The following FBN1 variants were observed in gnomAD, a reference collection of about 807,000 sequenced individuals.
The protein encoded by FBN1 is fibrillin-1.
In FBN1, 29 loss-of-function variants were observed where a neutral mutation model predicts 365.1. The ratio of observed to expected loss-of-function variants is 0.08; its 90% confidence interval spans 0.06 to 0.11. The LOEUF (loss-of-function observed/expected upper bound fraction) is 0.11, where lower values mean the gene tolerates loss of function less well. Ranked by LOEUF, FBN1 falls within the 10% of genes least tolerant of loss-of-function variation. The pLI, the probability that FBN1 is intolerant of heterozygous loss-of-function variation, is 1.00. For missense variants in FBN1, 2,476 were observed against 3,703.2 expected (o/e 0.67, Z 8.60); for synonymous variants, 1,210 against 1,270.5 (o/e 0.95, Z 1.01).
At chr15:48,636,020 C>A (rs1316716382) in intron 2 of FBN1, among the ~76,000 whole-genome samples, 1 of 152,192 alleles carries the variant, frequency 6.6e-6, no homozygotes, top group South Asian at 2.1e-4. Flanking sequence ...GATCTATTGC[C>A]TCACAGTGGT....
chr15:48,616,587 G>A (rs568139796), intron 2 of FBN1, among the ~76,000 whole-genome samples: 2 of 152,146 alleles, frequency 1.3e-5, no homozygotes, highest in Non-Finnish European at 2.9e-5. Flanking sequence ...AAAAGATTTA[G>A]TTATAAGGTT....
intron 12 of FBN1, among the ~76,000 whole-genome samples, chr15:48,513,944 T>G (rs1229633330): frequency 6.6e-6 from 1 of 152,330 alleles, no homozygotes; most frequent in South Asian, 2.1e-4. Flanking sequence ...TTTTCTTCCT[T>G]GAGTCTGATC....
At position 48,408,652 on chromosome 15, in the gene FBN1, A is replaced by C. The variant is rs1190163826; in HGVS notation, c.*2338T>G. 6.5e-6 allele frequency: 1 copy of C among 152,688 alleles called. No homozygotes were observed. Among genetic ancestry groups the C allele is most frequent in the Non-Finnish European group, 1.5e-5 (1 of 68,046 alleles). The allele number at this position is 152,688 out of a possible 1,614,324, so 9.5% of individuals were successfully genotyped here. A position where few individuals can be genotyped will look rare whatever the true frequency, so the allele number is the denominator to read the frequency against. The stretch of plus-strand genomic sequence containing the variant: ...ATTGAAAGGTACAGGTTTAAATCTC[A>C]GGATTAAAAAGAGTTCCAACAAGAG... On this transcript the variant is annotated 3_prime_UTR_variant, in exon 66 of 66. Transcript: ENST00000316623.
intron 3 of FBN1, among the ~76,000 whole-genome samples, chr15:48,612,367 A>C (rs535533703): frequency 6.6e-6 from 1 of 152,322 alleles, no homozygotes; most frequent in South Asian, 2.1e-4. Flanking sequence ...TAGGTACAAC[A>C]ACTGTAAAAG....
chr15:48,425,621 T>C, intron 59 of FBN1, 118 bp downstream of exon 59: 3 of 1,536,978 alleles, frequency 2.0e-6, no homozygotes, highest in Non-Finnish European at 1.8e-6. Flanking sequence ...ACTTTGATGA[T>C]TGTCCTGTGC....
chr15:48,414,692 C>G (rs534465635), intron 64 of FBN1, among the ~76,000 whole-genome samples: 1 of 152,014 alleles, frequency 6.6e-6, no homozygotes, highest in East Asian at 1.9e-4. Flanking sequence ...GTCCGGAGAT[C>G]GAGACCATCC....
chr15:48,419,209 A>G (rs559852892), intron 63 of FBN1, among the ~76,000 whole-genome samples: 61 of 152,280 alleles, frequency 4.0e-4, no homozygotes, highest in African/African-American at 1.4e-3. Flanking sequence ...TTCTAAATCA[A>G]CTTGTTTTTT....
chr15:48,631,267 A>G (rs1435999637), intron 2 of FBN1, among the ~76,000 whole-genome samples: 1 of 152,232 alleles, frequency 6.6e-6, no homozygotes, highest in Non-Finnish European at 1.5e-5. Flanking sequence ...GTAAATGAGC[A>G]TTATGTTGCT....
intron 6 of FBN1, among the ~76,000 whole-genome samples, chr15:48,553,265 A>T (rs2044156782): frequency 6.6e-6 from 1 of 152,172 alleles, no homozygotes; most frequent in South Asian, 2.1e-4. Context: ...CTCAGTTCCC[A>T]AATGTTACAT....
chr15:48,640,312 T>C (rs1430740451), intron 2 of FBN1, among the ~76,000 whole-genome samples: 3 of 152,192 alleles, frequency 2.0e-5, no homozygotes, highest in Non-Finnish European at 4.4e-5. Context: ...AAGAACACTA[T>C]ATCCTTTTTT....
chr15:48,570,867 C>T (rs188942101), intron 6 of FBN1, among the ~76,000 whole-genome samples: 35 of 152,232 alleles, frequency 2.3e-4, no homozygotes, highest in African/African-American at 7.9e-4. Context: ...GATGGGTGGG[C>T]AGATCCAAGA....
intron 6 of FBN1, among the ~76,000 whole-genome samples, chr15:48,552,266 C>T (rs957661639): frequency 8.4e-5 from 12 of 143,302 alleles, no homozygotes; most frequent in African/African-American, 3.0e-4. Flanking sequence ...GTTTCAATGA[C>T]TTTTTTTTTC....
chr15:48,503,641 C>T, intron 17 of FBN1, 146 bp downstream of exon 17: 1 of 953,696 alleles, frequency 1.0e-6, no homozygotes, highest in East Asian at 2.5e-5. Flanking sequence ...TGACTAGACA[C>T]TGGCTGGCCT....
At chr15:48,511,790 C>T (rs898104461) in intron 13 of FBN1, among the ~76,000 whole-genome samples, 13 of 152,284 alleles carry the variant, frequency 8.5e-5, no homozygotes, top group African/African-American at 1.2e-4. Context: ...CCTCAGTCTC[C>T]AATACTAAGT....
At position 48,448,580 on chromosome 15, in the gene FBN1, G is replaced by A. The variant is rs12591586; in HGVS notation, c.5671+188C>T. On this transcript the variant is annotated intron_variant, in intron 46 of 65. Transcript: ENST00000316623. ...ACTGACAGCCAAATGAATAACAAAG[G>A]AAGAGGTTTATCATGTTCAGATTGC... Among the ~76,000 whole-genome samples, 3,325 of 152,114 alleles carry A rather than the reference G, an allele frequency of 0.022. 69 individuals are homozygous for A. The highest frequency in any genetic ancestry group is 0.083 in the East Asian group (432 of 5,182).
At chr15:48,425,975 C>A in intron 58 of FBN1, 111 bp from the exon 59 acceptor site, 1 of 864,818 alleles carries the variant, frequency 1.2e-6, no homozygotes, top group Non-Finnish European at 1.9e-6. Context: ...ATATTTTGGG[C>A]CTAAGAAATT....
intron 9 of FBN1, among the ~76,000 whole-genome samples, chr15:48,522,834 C>G (rs568563340): frequency 6.6e-6 from 1 of 152,168 alleles, no homozygotes; most frequent in Non-Finnish European, 1.5e-5. Flanking sequence ...CTTAAAACCA[C>G]TAGCCAGTAT....
intron 6 of FBN1, among the ~76,000 whole-genome samples, chr15:48,567,015 C>T (rs369969901): frequency 7.9e-5 from 12 of 152,170 alleles, no homozygotes; most frequent in African/African-American, 2.9e-4. Context: ...GGCCCTGCCC[C>T]CAACCTGCCA....
chr15:48,568,885 A>G (rs2044282260), intron 6 of FBN1, among the ~76,000 whole-genome samples: 1 of 152,110 alleles, frequency 6.6e-6, no homozygotes, highest in African/African-American at 2.4e-5. Flanking sequence ...AAACTATGCA[A>G]CTTCTAGAAG....
Sources: gnomAD v4.1 joint callset for allele counts (sites outside exome capture counted in the v4.1 genomes callset) on GRCh38, gnomAD v4.1.1 for gene constraint, MANE v1.5 for transcripts, NCBI Gene and HGNC (gene_info 2026-07-23, HGNC 2026-07-21) for gene names.